Variants in CLSTN2 observed in about 807,000 individuals in gnomAD.
CLSTN2 encodes the protein calsyntenin-2.
Under a neutral mutation model 101.2 loss-of-function variants are expected in CLSTN2, and 48 were observed. That is an observed-to-expected ratio of 0.47 (90% CI 0.38 to 0.60). The LOEUF (loss-of-function observed/expected upper bound fraction) is 0.60, where lower values mean the gene tolerates loss of function less well. CLSTN2 is among the 20% of genes least tolerant of loss of function. CLSTN2 has a pLI of 0.00. For synonymous variants in CLSTN2, 481 were observed against 463.6 expected (o/e 1.04, Z -0.48); for missense variants, 1,160 against 1,238.2 (o/e 0.94, Z 0.95).
chr3:140,102,530 A>G (rs1407409507), intron 1 of CLSTN2, among the ~76,000 whole-genome samples: 1 of 152,244 alleles, frequency 6.6e-6, no homozygotes, highest in East Asian at 1.9e-4. Flanking sequence ...GAAACTTTGA[A>G]GGTCCTACTG....
chr3:140,273,371 G>A (rs2086762651), intron 2 of CLSTN2, among the ~76,000 whole-genome samples: 1 of 152,098 alleles, frequency 6.6e-6, no homozygotes, highest in African/African-American at 2.4e-5. Flanking sequence ...GGAACTTAAA[G>A]TAAAATAAGA....
At chr3:140,320,566 C>T (rs534266104) in intron 2 of CLSTN2, among the ~76,000 whole-genome samples, 2 of 150,620 alleles carry the variant, frequency 1.3e-5, no homozygotes, top group East Asian at 3.9e-4. Context: ...GCCTGACCTG[C>T]AGCCATGTAA....
rs534956275 is a variant in CLSTN2 at position 140,055,387 on chromosome 3, T to TAGAAA, written c.109+119909_109+119913dup. 5.9e-4 allele frequency among the ~76,000 whole-genome samples: 90 copies of TAGAAA among 152,302 alleles called. No homozygotes were observed. The South Asian group carries it at 8.3e-3, about 14-fold the overall frequency. Reference sequence around the variant, plus strand: ...CAGCATTTAAGCAGATCTTTGGAGGTAGAAAAGAACATGTGTTCTTGGGAG... The same window carrying TAGAAA: ...CAGCATTTAAGCAGATCTTTGGAGGTAGAAAAGAAAAGAACATGTGTTCTTGGGAG... On this transcript the variant is annotated intron_variant, in intron 1 of 16. Coordinates refer to ENST00000458420, the MANE Select transcript of CLSTN2 (RefSeq NM_022131.3).
chr3:140,121,125 G>C (rs919898078), intron 1 of CLSTN2, among the ~76,000 whole-genome samples: 3 of 152,168 alleles, frequency 2.0e-5, no homozygotes, highest in Non-Finnish European at 2.9e-5. Context: ...CTCAGAGCTA[G>C]AAACAGTGAG....
intron 8 of CLSTN2, among the ~76,000 whole-genome samples, chr3:140,513,583 C>CTTCTTTT (rs374321434): frequency 3.1e-4 from 36 of 117,744 alleles, no homozygotes; most frequent in East Asian, 4.8e-4. Flanking sequence ...TTTTTTCTTT[C>CTTCTTTT]TTTTTTTTTT....
chr3:140,368,599 C>A (rs11715839), intron 2 of CLSTN2, among the ~76,000 whole-genome samples: 1 of 151,958 alleles, frequency 6.6e-6, no homozygotes, highest in South Asian at 2.1e-4. Flanking sequence ...CAAACCTCAC[C>A]ATCATGAATA....
intron 10 of CLSTN2, among the ~76,000 whole-genome samples, chr3:140,553,499 T>C (rs1935745134): frequency 6.6e-6 from 1 of 152,202 alleles, no homozygotes; most frequent in Non-Finnish European, 1.5e-5. Context: ...CCTTATGACC[T>C]TGGGGAAGTG....
intron 1 of CLSTN2, among the ~76,000 whole-genome samples, chr3:140,112,436 A>G (rs1002836826): frequency 3.7e-4 from 57 of 152,290 alleles, no homozygotes; most frequent in African/African-American, 1.3e-3. Context: ...GCATTTTTAA[A>G]GCCCATAATA....
intron 1 of CLSTN2, among the ~76,000 whole-genome samples, chr3:139,972,055 G>C (rs1452672174): frequency 1.3e-5 from 2 of 152,162 alleles, no homozygotes; most frequent in African/African-American, 2.4e-5. Flanking sequence ...CCTGAGGTCA[G>C]GAGTTCAAGA....
chr3:140,532,855 T>G (rs1224631017), intron 9 of CLSTN2, among the ~76,000 whole-genome samples: 2 of 152,154 alleles, frequency 1.3e-5, no homozygotes, highest in Admixed American at 1.3e-4. Flanking sequence ...GCTAGGCTGA[T>G]CAGGAACCAA....
intron 6 of CLSTN2, chr3:140,453,297 C>T (rs1408570210): frequency 6.6e-6 from 1 of 151,986 alleles, no homozygotes; most frequent in East Asian, 1.9e-4. Context: ...AACAAAAGAC[C>T]ACAGAGTAAG....
At chr3:139,987,634 T>C (rs1454154320) in intron 1 of CLSTN2, among the ~76,000 whole-genome samples, 1 of 152,198 alleles carries the variant, frequency 6.6e-6, no homozygotes, top group African/African-American at 2.4e-5. Context: ...TTTCTGTCAA[T>C]CAACAAACAG....
At chr3:140,093,718 T>G (rs532837929) in intron 1 of CLSTN2, among the ~76,000 whole-genome samples, 1 of 152,308 alleles carries the variant, frequency 6.6e-6, no homozygotes, top group East Asian at 1.9e-4. Flanking sequence ...ATGACCAGTG[T>G]GCAAAATTAT....
At chr3:140,102,017 A>G (rs900378926) in intron 1 of CLSTN2, among the ~76,000 whole-genome samples, 96 of 152,334 alleles carry the variant, frequency 6.3e-4, no homozygotes, top group African/African-American at 2.2e-3. Context: ...GTCTATAGCT[A>G]AATTCTAACT....
intron 1 of CLSTN2, among the ~76,000 whole-genome samples, chr3:140,144,239 T>A (rs1003458357): frequency 2.6e-5 from 4 of 152,188 alleles, no homozygotes; most frequent in Non-Finnish European, 5.9e-5. Context: ...TTAATGTAAA[T>A]GGACCTCCAA....
intron 2 of CLSTN2, among the ~76,000 whole-genome samples, chr3:140,224,642 A>G (rs1024439666): frequency 1.3e-5 from 2 of 152,182 alleles, no homozygotes; most frequent in African/African-American, 4.8e-5. Flanking sequence ...AAATTTTATT[A>G]TAATCATATA....
At chr3:139,955,128 A>ATATATATATATATATG (rs1197833567) in intron 1 of CLSTN2, among the ~76,000 whole-genome samples, 1 of 140,744 alleles carries the variant, frequency 7.1e-6, no homozygotes, top group Non-Finnish European at 1.5e-5. Context: ...ATATATATAT[A>ATATATATATATATATG]TATATATATA....
At chr3:140,022,552 C>T (rs1221608751) in intron 1 of CLSTN2, among the ~76,000 whole-genome samples, 1 of 152,184 alleles carries the variant, frequency 6.6e-6, no homozygotes, top group African/African-American at 2.4e-5. Context: ...CTGGGCGCTG[C>T]AGGAGGGACG....
intron 2 of CLSTN2, among the ~76,000 whole-genome samples, chr3:140,338,558 G>A (rs954709683): frequency 1.3e-5 from 2 of 149,966 alleles, no homozygotes; most frequent in Admixed American, 1.3e-4. Context: ...CACATAAAAT[G>A]TCCAGTCCCC....
Sources: gnomAD v4.1 joint callset for allele counts (sites outside exome capture counted in the v4.1 genomes callset) on GRCh38, gnomAD v4.1.1 for gene constraint, MANE v1.5 for transcripts, NCBI Gene and HGNC (gene_info 2026-07-23, HGNC 2026-07-21) for gene names.